Variants in JAK3 observed in about 807,000 individuals in gnomAD.
The protein encoded by JAK3 is tyrosine-protein kinase JAK3.
A neutral mutation model predicts 120.8 loss-of-function variants in JAK3; 88 were observed. The ratio of observed to expected loss-of-function variants is 0.73; its 90% confidence interval spans 0.61 to 0.87. JAK3 has a LOEUF of 0.87. JAK3 is among the 40% of genes least tolerant of loss of function. The probability of loss-of-function intolerance (pLI) is 0.00; values close to 1 mark genes in which losing one functional copy is unlikely to be tolerated. For missense variants in JAK3, 1,254 were observed against 1,501.4 expected, an observed-to-expected ratio of 0.84 and a Z score of 2.72; for synonymous variants, 592 against 628.6, an observed-to-expected ratio of 0.94 and a Z score of 0.87.
chr19:17,841,367 G>A lies in JAK3; in HGVS notation c.1142+22C>T, dbSNP rs3212734. ...GGGCCCTGAGTGGCCACAGAGGCCGGGAATGGGGGACAGGTCCTTACGTGA... is the reference window on the plus strand; with the variant it reads ...GGGCCCTGAGTGGCCACAGAGGCCGAGAATGGGGGACAGGTCCTTACGTGA... On this transcript the variant is annotated intron_variant, in intron 8 of 23. Transcript: ENST00000458235. This position sits in a 1 kb window ranked among gnomAD's most constrained non-coding sequence, Gnocchi z 4.1. 154 of 1,541,808 alleles carry A rather than the reference G, an allele frequency of 1.0e-4. 1 individual carries two copies. In the African/African-American group the frequency reaches 1.5e-3, roughly 15 times the overall value.
rs2147674108 is a variant in JAK3, at chr19:17,830,236, C to G, written c.3097-18G>C. ...AGGAACTCCTGGAGCCAAGGAGGAGCGCATGTGGTGGGGGAGGAGCCTCCG... is the reference window on the plus strand; with the variant it reads ...AGGAACTCCTGGAGCCAAGGAGGAGGGCATGTGGTGGGGGAGGAGCCTCCG... On this transcript the variant is annotated intron_variant, in intron 22 of 23. Transcript: ENST00000458235. 6.5e-7 allele frequency: 1 copy of G among 1,533,058 alleles called. No homozygotes were observed. Among genetic ancestry groups the G allele is most frequent in the East Asian group, 2.5e-5 (1 of 40,442 alleles). 95.0% of individuals were successfully genotyped at this position (1,533,058 alleles called of 1,614,324 possible).
At chr19:17,838,703 G>A (rs1209595261) in intron 10 of JAK3, among the ~76,000 whole-genome samples, 3 of 145,784 alleles carry the variant, frequency 2.1e-5, no homozygotes, top group Non-Finnish European at 4.5e-5. Flanking sequence ...GTGCCACCGT[G>A]CCCGGCTAAT....
At chr19:17,829,872 C>T in intron 23 of JAK3, 1 of 600,444 alleles carries the variant, frequency 1.7e-6, no homozygotes, top group Non-Finnish European at 3.0e-6. Flanking sequence ...GGAGTCTAAT[C>T]TTCCCTCACC....
chr19:17,833,916 TTC>T (rs2094219036), intron 17 of JAK3, among the ~76,000 whole-genome samples: 1 of 152,092 alleles, frequency 6.6e-6, no homozygotes, highest in Non-Finnish European at 1.5e-5. Flanking sequence ...CTGGCTAATT[TTC>T]TGTTTGTTTG....
Position 17,842,954 on chromosome 19 carries a change from C to T in JAK3, c.566+73G>A, listed in dbSNP as rs3212727. The stretch of plus-strand genomic sequence containing the variant: ...GCAGGAGAACTCCATGGTGGGAGCC[C>T]GGCAAAGCCCCGATGGAGCCCACGT... On this transcript the variant is annotated intron_variant, in intron 5 of 23. Transcript: ENST00000458235. This position sits in a 1 kb window ranked among gnomAD's most constrained non-coding sequence, Gnocchi z 6.4. 2,940 of 1,588,930 alleles carry T rather than the reference C, an allele frequency of 1.9e-3. 43 individuals are homozygous for T. In the African/African-American group the frequency reaches 0.034, roughly 19 times the overall value.
At chr19:17,835,302 C>T (rs1316606257) in intron 14 of JAK3, 87 bp from the exon 15 acceptor site, 1 of 1,494,944 alleles carries the variant, frequency 6.7e-7, no homozygotes, top group African/African-American at 1.4e-5. Context: ...CCTTCAAAAC[C>T]CACTTGGTAC....
Position 17,837,939 on chromosome 19 carries a change from C to T in JAK3, c.1694G>A (p.Cys565Tyr), listed in dbSNP as rs2094228237. ...LKVMDAKHKN[C>Y]MESFLEAASL... ...GGTCCACATTGCTCTCACCTCCATG[C>T]AGTTCTTGTGCTTGGCATCCATGAC... The change falls in exon 12 of 24, where the codon TGC becomes TAC. Residue 565 changes from cysteine (C) to tyrosine (Y), a missense_variant. Cys to Tyr is a radical substitution (Grantham distance 194). This residue lies in a region of JAK3 where 630 missense variants were observed against 819.8 expected (regional missense o/e 0.77). Coordinates refer to ENST00000458235, the MANE Select transcript of JAK3 (RefSeq NM_000215.4). 1 of 1,613,938 alleles carries T rather than the reference C, an allele frequency of 6.2e-7. No individual in the cohort carries two copies. Among genetic ancestry groups the T allele is most frequent in the Non-Finnish European group, 8.5e-7 (1 of 1,179,996 alleles).
In JAK3 at chr19:17,831,309, G is replaced by C. The variant is rs957284774; in HGVS notation, c.2897C>G (p.Ala966Gly). The stretch of plus-strand genomic sequence containing the variant: ...CAGCAGCTTAGCTAGGCCGAAGTCA[G>C]CGATCTTGACGTGTGCCTCGCTCTC... ...LVESEAHVKI[A>G]DFGLAKLLPL... The change falls in exon 21 of 24, where the codon GCT (alanine) becomes GGT (glycine). Residue 966 changes from alanine to glycine, a missense_variant. Physicochemically the swap from Ala to Gly is moderately conservative, Grantham distance 60. Transcript: ENST00000458235. This position sits in a 1 kb window ranked among gnomAD's most constrained non-coding sequence, Gnocchi z 5.1. 6.2e-7 allele frequency: 1 copy of C among 1,612,724 alleles called. No individual in the cohort carries two copies. The highest frequency in any genetic ancestry group is 1.7e-4 in the Middle Eastern group (1 of 6,060).
chr19:17,837,642 C>T (rs1380412639), intron 12 of JAK3, among the ~76,000 whole-genome samples: 3 of 151,860 alleles, frequency 2.0e-5, no homozygotes, highest in South Asian at 2.1e-4. Flanking sequence ...CTCGAACTCC[C>T]GACCTCAGAT....
At position 17,843,361 on chromosome 19, in the gene JAK3, AC is replaced by A. The variant is rs1457692322; in HGVS notation, c.420+18del. 1 of 1,556,856 alleles carries A rather than the reference AC, an allele frequency of 6.4e-7. No homozygotes were observed. Among genetic ancestry groups the A allele is most frequent in the African/African-American group, 1.4e-5 (1 of 73,498 alleles). On this transcript the variant is annotated intron_variant, in intron 4 of 23. Transcript: ENST00000458235. The surrounding 1 kb of genome is among the most constrained non-coding windows in gnomAD (Gnocchi z 5.4). ...TTGGACCCCCAACCCCCTGGGTCAA[AC>A]CCCAGGCAGAACCCCACCTGGGCAA... is the stretch of plus-strand genomic sequence containing the variant.
intron 8 of JAK3, 60 bp from the exon 9 acceptor site, chr19:17,840,401 C>CTCTATCATT: frequency 8.6e-7 from 1 of 1,164,774 alleles, no homozygotes; most frequent in Non-Finnish European, 1.3e-6. Context: ...ACAGAGAGAC[C>CTCTATCATT]TGGGCTCAAA....
Position 17,843,567 on chromosome 19 carries a change from G to A in JAK3, c.309-76C>T, listed in dbSNP as rs1198085677. On this transcript the variant is annotated intron_variant, in intron 3 of 23. Coordinates refer to ENST00000458235, the MANE Select transcript of JAK3 (RefSeq NM_000215.4). The surrounding 1 kb of genome is among the most constrained non-coding windows in gnomAD (Gnocchi z 5.4). ...AGGAGTGACATTATGGTGGGGGCGA[G>A]GGACAGATTCTGCGGAGGCCTCACA... 2.4e-6 allele frequency: 3 copies of A among 1,240,028 alleles called. No homozygotes were observed. In the African/African-American group the frequency reaches 4.5e-5, roughly 18 times the overall value. The allele number at this position is 1,240,028 out of a possible 1,614,324, so 76.8% of individuals were successfully genotyped here.
At chr19:17,836,114 T>C (rs2094223772) in intron 13 of JAK3, 63 bp from the exon 14 acceptor site, 2 of 1,594,928 alleles carry the variant, frequency 1.3e-6, no homozygotes. Flanking sequence ...GAGGAGGTTC[T>C]GCCAACACCC....
chr19:17,843,506 G>A lies in JAK3; in HGVS notation c.309-15C>T, dbSNP rs755593886. The A allele has an allele frequency of 6.4e-6, 10 of 1,558,984 alleles. No individual in the cohort carries two copies. The African/African-American group carries it at 1.1e-4, about 17-fold the overall frequency. ...GGAAGTAAAAGCTGTGAGGAGAGGAGAGAACCCTGGGATGAAAGTGCAACC... is the reference window on the plus strand; with the variant it reads ...GGAAGTAAAAGCTGTGAGGAGAGGAAAGAACCCTGGGATGAAAGTGCAACC... On this transcript the variant is annotated splice_polypyrimidine_tract_variant and intron_variant, in intron 3 of 23. Transcript: ENST00000458235. The surrounding 1 kb of genome is among the most constrained non-coding windows in gnomAD (Gnocchi z 5.4).
At position 17,831,445 on chromosome 19, in the gene JAK3, T is replaced by G. The variant is rs763747051; in HGVS notation, c.2806-45A>C. On this transcript the variant is annotated intron_variant, in intron 20 of 23. Coordinates refer to ENST00000458235, the MANE Select transcript of JAK3 (RefSeq NM_000215.4). The surrounding 1 kb of genome is among the most constrained non-coding windows in gnomAD (Gnocchi z 5.1). ...GCGTGCAGAGAGGATCCCAGGATAA[T>G]CCGGCAGGTACCCCAAGCGTGACCT... 9.4e-6 allele frequency: 15 copies of G among 1,597,638 alleles called. No individual in the cohort carries two copies. The South Asian group carries it at 1.6e-4, about 18-fold the overall frequency.
chr19:17,845,808 G>A (rs1261145224), intron 1 of JAK3, among the ~76,000 whole-genome samples: 1 of 152,018 alleles, frequency 6.6e-6, no homozygotes, highest in Admixed American at 6.6e-5. Context: ...GCTGGGGTGG[G>A]GCGGCATTAA....
At position 17,842,626 on chromosome 19, in the gene JAK3, G is replaced by A. The variant is rs1219709468; in HGVS notation, c.567-16C>T. ...GGCCTTGTAGCTGCAGGGGTTGGAG[G>A]GGAGGGAGCCGGCCCTCAGCGTCGG... On this transcript the variant is annotated splice_polypyrimidine_tract_variant and intron_variant, in intron 5 of 23. Coordinates refer to ENST00000458235, the MANE Select transcript of JAK3 (RefSeq NM_000215.4). The surrounding 1 kb of genome is among the most constrained non-coding windows in gnomAD (Gnocchi z 6.4). The A allele has an allele frequency of 1.3e-6, 2 of 1,550,816 alleles. No individual in the cohort carries two copies. Among genetic ancestry groups the A allele is most frequent in the East Asian group, 4.7e-5 (2 of 42,548 alleles).
intron 10 of JAK3, chr19:17,839,171 A>T (rs754315626): frequency 5.5e-5 from 28 of 512,996 alleles, no homozygotes; most frequent in Middle Eastern, 2.9e-4. Flanking sequence ...GAGACTCAGA[A>T]GAACTCACAT....
At position 17,831,652 on chromosome 19, in the gene JAK3, G is replaced by T; in HGVS notation, c.2805+22C>A. On this transcript the variant is annotated intron_variant, in intron 20 of 23. Coordinates refer to ENST00000458235, the MANE Select transcript of JAK3 (RefSeq NM_000215.4). This position sits in a 1 kb window ranked among gnomAD's most constrained non-coding sequence, Gnocchi z 5.1. ...GGCCGTGCCAGCTGAATCCCCACAAGTCCCGGGGCGCCCCCTCGCACCTTG... is the reference window on the plus strand; with the variant it reads ...GGCCGTGCCAGCTGAATCCCCACAATTCCCGGGGCGCCCCCTCGCACCTTG... 1 of 1,599,578 alleles carries T rather than the reference G, an allele frequency of 6.3e-7. No homozygotes were observed. Among genetic ancestry groups the T allele is most frequent in the Non-Finnish European group, 8.5e-7 (1 of 1,174,556 alleles).
Sources: allele counts gnomAD v4.1 joint callset (sites outside exome capture counted in the v4.1 genomes callset), GRCh38; gene constraint gnomAD v4.1.1; regional missense constraint gnomAD v4.1.1; non-coding constraint Gnocchi (gnomAD v3.1); transcripts MANE v1.5; gene names NCBI Gene and HGNC (gene_info 2026-07-23, HGNC 2026-07-21).